Variants in CDH23 observed in about 807,000 individuals in gnomAD.
CDH23 encodes the protein cadherin related 23.
Under a neutral mutation model 317.1 loss-of-function variants are expected in CDH23, and 189 were observed. The observed-to-expected ratio is 0.60, with a 90% confidence interval of 0.53 to 0.67. CDH23 has a LOEUF of 0.67. Ranked by LOEUF, CDH23 falls within the 30% of genes least tolerant of loss-of-function variation. The pLI is 0.00. For missense variants in CDH23, 4,401 were observed against 4,592.4 expected, an observed-to-expected ratio of 0.96 and a Z score of 1.20; for synonymous variants, 1,839 against 1,876.8, an observed-to-expected ratio of 0.98 and a Z score of 0.52.
At chr10:71,492,927 A>G (rs1852746563) in intron 3 of CDH23, among the ~76,000 whole-genome samples, 1 of 152,166 alleles carries the variant, frequency 6.6e-6, no homozygotes, top group Non-Finnish European at 1.5e-5. Context: ...TTAGGCAGCA[A>G]CAAGGCCAAA....
intron 32 of CDH23, 169 bp downstream of exon 32, chr10:71,732,544 A>G: frequency 7.6e-7 from 1 of 1,318,302 alleles, no homozygotes; most frequent in Non-Finnish European, 1.0e-6. Context: ...GGGCAGGAAG[A>G]TTGCTTCAGC....
At position 71,702,183 on chromosome 10, in the gene CDH23, G is replaced by A. The variant is rs1865613903; in HGVS notation, c.2559G>A (p.Met853Ile). 6.2e-7 allele frequency: 1 copy of A among 1,613,708 alleles called. No individual in the cohort carries two copies. Among genetic ancestry groups the A allele is most frequent in the Non-Finnish European group, 8.5e-7 (1 of 1,179,866 alleles). The change falls in exon 23 of 70, where the codon ATG becomes ATA. Residue 853 changes from methionine to isoleucine, a missense_variant. This residue lies in a region of CDH23 where 3,068 missense variants were observed against 3,203.3 expected (regional missense o/e 0.96). Transcript: ENST00000224721. ...CCGACCCCCATGAGGCCGAGCTGATGCGCAAAATCGTCGTCTCTGTTACTG... is the reference window on the plus strand; with the variant it reads ...CCGACCCCCATGAGGCCGAGCTGATACGCAAAATCGTCGTCTCTGTTACTG... Reference protein sequence around the residue: ...ENPDPHEAELMRKIVVSVTDC... With the variant: ...ENPDPHEAELIRKIVVSVTDC...
chr10:71,400,509 G>A (rs991778805), intron 1 of CDH23, among the ~76,000 whole-genome samples: 9 of 152,016 alleles, frequency 5.9e-5, no homozygotes, highest in Non-Finnish European at 1.3e-4. Context: ...TTCAAAAATA[G>A]TTAGGTTAGG....
chr10:71,597,136 G>A (rs1230734734), intron 9 of CDH23, among the ~76,000 whole-genome samples: 1 of 152,140 alleles, frequency 6.6e-6, no homozygotes, highest in African/African-American at 2.4e-5. Context: ...ATTTCATTTA[G>A]GGGAGTTCTC....
At chr10:71,446,836 C>T (rs1850193832) in intron 3 of CDH23, among the ~76,000 whole-genome samples, 1 of 152,182 alleles carries the variant, frequency 6.6e-6, no homozygotes, top group African/African-American at 2.4e-5. Flanking sequence ...GCCCGTCGCC[C>T]CATCACTCAG....
At chr10:71,642,582 T>C (rs1862609207) in intron 11 of CDH23, among the ~76,000 whole-genome samples, 1 of 152,030 alleles carries the variant, frequency 6.6e-6, no homozygotes, top group Non-Finnish European at 1.5e-5. Context: ...TGTATTTTTG[T>C]AAAGACGGGG....
intron 1 of CDH23, among the ~76,000 whole-genome samples, chr10:71,403,466 C>T (rs1173964123): frequency 2.7e-4 from 16 of 59,684 alleles, no homozygotes; most frequent in South Asian, 1.2e-3. Context: ...TCCTTCCTTC[C>T]TTCCTTCCTT....
At chr10:71,556,471 CA>C (rs1481053680) in intron 6 of CDH23, among the ~76,000 whole-genome samples, 6 of 152,018 alleles carry the variant, frequency 3.9e-5, no homozygotes, top group Non-Finnish European at 7.4e-5. Context: ...CATGGTGACA[CA>C]AGCCTGTAAT....
chr10:71,479,193 G>A (rs1335139498), intron 3 of CDH23, among the ~76,000 whole-genome samples: 1 of 152,150 alleles, frequency 6.6e-6, no homozygotes, highest in African/African-American at 2.4e-5. Flanking sequence ...ACCCAGGTTT[G>A]GCTGTCTCCC....
At chr10:71,806,031 T>TTGG in intron 56 of CDH23, 34 bp downstream of exon 56, 9 of 468,340 alleles carry the variant, frequency 1.9e-5, no homozygotes, top group Non-Finnish European at 3.2e-5. Context: ...GGGCGGGGTC[T>TTGG]GGGGCGGGGC....
At chr10:71,449,584 C>T (rs1357977141) in intron 3 of CDH23, among the ~76,000 whole-genome samples, 1 of 152,090 alleles carries the variant, frequency 6.6e-6, no homozygotes, top group Non-Finnish European at 1.5e-5. Flanking sequence ...ATAACAACAG[C>T]ATTTATTGAC....
intron 3 of CDH23, among the ~76,000 whole-genome samples, chr10:71,449,251 C>T (rs1850317131): frequency 6.6e-6 from 1 of 152,152 alleles, no homozygotes. Flanking sequence ...TGGCAAGAGG[C>T]AGAGCCCAAG....
At chr10:71,486,597 A>G (rs1401332487) in intron 3 of CDH23, among the ~76,000 whole-genome samples, 1 of 152,190 alleles carries the variant, frequency 6.6e-6, no homozygotes, top group Non-Finnish European at 1.5e-5. Flanking sequence ...GACCTCCAGC[A>G]GAGTAGGACA....
Position 71,739,767 on chromosome 10 carries a change from C to T in CDH23, c.4483C>T (p.Leu1495Phe), listed in dbSNP as rs756850841. The part of the protein sequence containing the change: ...LDREELDHYI[L>F]QVVASDRGTP... ...CAGAGAAGAGCTGGATCACTACATC[C>T]TCCAGGTGGGGCCTGGCCTCCCTTG... The change falls in exon 36 of 70, where the codon CTC becomes TTC. Residue 1495 changes from leucine (L) to phenylalanine (F), a missense_variant. Coordinates refer to ENST00000224721, the MANE Select transcript of CDH23 (RefSeq NM_022124.6). 3.7e-6 allele frequency: 6 copies of T among 1,609,782 alleles called. No homozygotes were observed. The African/African-American group carries it at 4.0e-5, about 11-fold the overall frequency.
intron 9 of CDH23, among the ~76,000 whole-genome samples, chr10:71,580,559 G>A (rs1482832562): frequency 6.6e-6 from 1 of 152,244 alleles, no homozygotes; most frequent in East Asian, 1.9e-4. Flanking sequence ...GAGGATCATG[G>A]AACCAAATAG....
intron 6 of CDH23, among the ~76,000 whole-genome samples, chr10:71,544,234 G>A (rs1235800428): frequency 6.6e-5 from 10 of 152,042 alleles, no homozygotes; most frequent in African/African-American, 1.2e-4. Flanking sequence ...CGGGAGTAGC[G>A]GAAAAAAGGG....
chr10:71,570,229 G>C (rs1032404138), intron 7 of CDH23, among the ~76,000 whole-genome samples: 1 of 152,138 alleles, frequency 6.6e-6, no homozygotes, highest in African/African-American at 2.4e-5. Flanking sequence ...TAAATCCCCA[G>C]CCCAAAGCAA....
At position 71,450,635 on chromosome 10, in the gene CDH23, A is replaced by G. The variant is rs551473043; in HGVS notation, c.145+4240A>G. ...GATCACCAACCACCTCTGTGTTGCT[A>G]AATCCCATCATTTCTTCCCAGACCT... On this transcript the variant is annotated intron_variant, in intron 3 of 69. Transcript: ENST00000224721. 3.2e-4 allele frequency among the ~76,000 whole-genome samples: 49 copies of G among 152,220 alleles called. 1 individual carries two copies. The highest frequency in any genetic ancestry group is 5.3e-4 in the Non-Finnish European group (36 of 68,006).
chr10:71,740,974 A>G (rs1165774571), intron 37 of CDH23, 24 bp downstream of exon 37: 3 of 1,613,318 alleles, frequency 1.9e-6, no homozygotes, highest in African/African-American at 2.7e-5. Flanking sequence ...CGGGGCCCAT[A>G]TAGCTGGACA....
Sources: allele counts gnomAD v4.1 joint callset (sites outside exome capture counted in the v4.1 genomes callset), GRCh38; gene constraint gnomAD v4.1.1; regional missense constraint gnomAD v4.1.1; transcripts MANE v1.5; gene names NCBI Gene and HGNC (gene_info 2026-07-23, HGNC 2026-07-21).